The following AXDND1 variants were observed in gnomAD, a reference collection of about 807,000 sequenced individuals.
AXDND1 encodes the protein axonemal dynein light chain domain containing 1.
Under a neutral mutation model 137.5 loss-of-function variants are expected in AXDND1, and 110 were observed. The ratio of observed to expected loss-of-function variants is 0.80; its 90% CI spans 0.69 to 0.94. The LOEUF (loss-of-function observed/expected upper bound fraction) is 0.94, where lower values mean the gene tolerates loss of function less well. Ranked by LOEUF, AXDND1 falls within the 40% of genes least tolerant of loss-of-function variation. AXDND1 has a pLI of 0.00. For synonymous variants in AXDND1, 414 were observed against 399.7 expected (o/e 1.04, Z -0.43); for missense variants, 1,191 against 1,169.8 (o/e 1.02, Z -0.26).
At chr1:179,381,107 C>T (rs1324600020) in intron 6 of AXDND1, among the ~76,000 whole-genome samples, 1 of 135,110 alleles carries the variant, frequency 7.4e-6, no homozygotes, top group Non-Finnish European at 1.5e-5. Context: ...ATGGCATGAT[C>T]TCGGCTCACT....
At chr1:179,435,128 C>A (rs527289238) in intron 15 of AXDND1, among the ~76,000 whole-genome samples, 1 of 152,024 alleles carries the variant, frequency 6.6e-6, no homozygotes, top group Admixed American at 6.6e-5. Flanking sequence ...AGGAATACAG[C>A]CAATAAGGGA....
At chr1:179,376,620 C>T (rs564674107) in intron 4 of AXDND1, among the ~76,000 whole-genome samples, 64 of 152,208 alleles carry the variant, frequency 4.2e-4, no homozygotes, top group Middle Eastern at 3.4e-3. Flanking sequence ...TACTGCTTCC[C>T]GAAGTTTTCC....
intron 16 of AXDND1, chr1:179,448,253 G>C: frequency 1.3e-6 from 1 of 786,696 alleles, no homozygotes; most frequent in Non-Finnish European, 2.3e-6. Context: ...CTGTATACTT[G>C]AGAAGAACTT....
At chr1:179,367,483 C>G (rs541106623) in intron 2 of AXDND1, among the ~76,000 whole-genome samples, 1 of 152,236 alleles carries the variant, frequency 6.6e-6, no homozygotes, top group South Asian at 2.1e-4. Flanking sequence ...CCACTGCACT[C>G]CAGCCTGGCG....
At position 179,525,379 on chromosome 1, in the gene AXDND1, AAAG is replaced by A. The variant is rs1342672689; in HGVS notation, c.2547_2549del (p.Glu849del). The A allele has an allele frequency of 1.2e-6, 2 of 1,612,530 alleles. No homozygotes were observed. The highest frequency in any genetic ancestry group is 8.5e-7 in the Non-Finnish European group (1 of 1,179,014). ...TGAGCCTGAAATAGACGAGTCTTTT[AAAG>A]AAGATGAAGAAGAAAGTAAGGAGGA... is the stretch of plus-strand genomic sequence containing the variant. On this transcript the variant is annotated inframe_deletion, in exon 22 of 26. Transcript: ENST00000367618.
intron 18 of AXDND1, among the ~76,000 whole-genome samples, chr1:179,490,403 C>G (rs1226048662): frequency 6.6e-6 from 1 of 152,166 alleles, no homozygotes; most frequent in African/African-American, 2.4e-5. Flanking sequence ...TTTCTGGGAC[C>G]TAGCCTCAGC....
chr1:179,468,293 C>A, intron 16 of AXDND1, 150 bp from the exon 17 acceptor site: 1 of 557,840 alleles, frequency 1.8e-6, no homozygotes, highest in Non-Finnish European at 3.1e-6. Flanking sequence ...TTAGGAACTG[C>A]TTTTTGTAAG....
chr1:179,437,713 A>C (rs1658373073), intron 15 of AXDND1, among the ~76,000 whole-genome samples: 2 of 152,234 alleles, frequency 1.3e-5, no homozygotes, highest in Admixed American at 1.3e-4. Context: ...AGAACTACAT[A>C]TAAGATGTTA....
In AXDND1 at chr1:179,554,436, C is replaced by T. The variant is rs528478121; in HGVS notation, c.3032-76C>T. On this transcript the variant is annotated intron_variant, in intron 25 of 25. Coordinates refer to ENST00000367618, the MANE Select transcript of AXDND1 (RefSeq NM_144696.6). The stretch of plus-strand genomic sequence containing the variant: ...ATTTAAAATGAAACCAGAATATTTT[C>T]CTTTATCATACAGTTCTTGCTAGTT... 14 of 1,611,726 alleles carry T rather than the reference C, an allele frequency of 8.7e-6. No homozygotes were observed. In the East Asian group the frequency reaches 2.7e-4, roughly 31 times the overall value.
chr1:179,380,424 G>C (rs16854035), intron 6 of AXDND1, among the ~76,000 whole-genome samples: 16,183 of 152,070 alleles, frequency 0.11, 976 homozygotes, highest in African/African-American at 0.14. Context: ...TGCCCTTTAG[G>C]AATGATTTTG....
At chr1:179,507,171 T>C (rs1004140980) in intron 20 of AXDND1, among the ~76,000 whole-genome samples, 1 of 152,166 alleles carries the variant, frequency 6.6e-6, no homozygotes, top group Non-Finnish European at 1.5e-5. Context: ...TTAGAATCAA[T>C]TAAGAATATT....
At chr1:179,372,505 G>A (rs866860346) in intron 4 of AXDND1, among the ~76,000 whole-genome samples, 6 of 152,164 alleles carry the variant, frequency 3.9e-5, no homozygotes, top group African/African-American at 1.2e-4. Flanking sequence ...GCTGAAGAAC[G>A]AGTTGGAGAA....
intron 4 of AXDND1, among the ~76,000 whole-genome samples, chr1:179,373,283 C>T (rs918782503): frequency 3.3e-5 from 5 of 152,092 alleles, no homozygotes. Context: ...TGTGAAGGAC[C>T]TCTTCAAGGA....
intron 11 of AXDND1, among the ~76,000 whole-genome samples, chr1:179,407,263 C>T (rs1050028370): frequency 2.7e-5 from 4 of 150,614 alleles, no homozygotes; most frequent in African/African-American, 7.3e-5. Flanking sequence ...GAGTCTTGCT[C>T]TGTCACCAGA....
intron 15 of AXDND1, among the ~76,000 whole-genome samples, chr1:179,442,578 A>G (rs1659142714): frequency 6.6e-6 from 1 of 152,198 alleles, no homozygotes; most frequent in Non-Finnish European, 1.5e-5. Context: ...AAGCAACTGT[A>G]CATAATGTTT....
intron 11 of AXDND1, among the ~76,000 whole-genome samples, chr1:179,410,458 C>T (rs953377866): frequency 6.6e-6 from 1 of 152,202 alleles, no homozygotes; most frequent in Admixed American, 6.5e-5. Flanking sequence ...AAATTCCTGA[C>T]CTCAGGTGAT....
chr1:179,432,378 T>A (rs1364825650), intron 15 of AXDND1, 36 bp downstream of exon 15: 1 of 1,520,186 alleles, frequency 6.6e-7, no homozygotes, highest in Non-Finnish European at 8.8e-7. Flanking sequence ...GCAATCAAAG[T>A]GCTGATTGTA....
chr1:179,530,898 C>G (rs1291074116), intron 23 of AXDND1, among the ~76,000 whole-genome samples: 2 of 152,142 alleles, frequency 1.3e-5, no homozygotes, highest in Non-Finnish European at 2.9e-5. Context: ...TGCACAGACA[C>G]AATCAATTAG....
chr1:179,381,429 C>T (rs552979602), intron 6 of AXDND1, among the ~76,000 whole-genome samples: 41 of 151,128 alleles, frequency 2.7e-4, no homozygotes, highest in Admixed American at 4.0e-4. Flanking sequence ...CTGCAACCTC[C>T]GCCCCTTGGG....
Sources: gnomAD v4.1 joint callset for allele counts (sites outside exome capture counted in the v4.1 genomes callset) on GRCh38, gnomAD v4.1.1 for gene constraint, MANE v1.5 for transcripts, NCBI Gene and HGNC (gene_info 2026-07-23, HGNC 2026-07-21) for gene names.